Variants in SMYD3 observed in about 807,000 individuals in gnomAD.
SMYD3 encodes the protein SET and MYND domain containing 3, also known as histone-lysine N-methyltransferase SMYD3.
SMYD3 carries 36 observed loss-of-function variants against 57.7 expected under a neutral mutation model. The ratio of observed to expected loss-of-function variants is 0.62; its 90% CI spans 0.48 to 0.82. SMYD3 has a LOEUF of 0.82. Ranked by LOEUF, SMYD3 falls within the 40% of genes least tolerant of loss-of-function variation. SMYD3 has a pLI of 0.00. For synonymous variants in SMYD3, 211 were observed against 195.0 expected, an observed-to-expected ratio of 1.08 and a Z score of -0.68; for missense variants, 515 against 538.8, an observed-to-expected ratio of 0.96 and a Z score of 0.44.
intron 7 of SMYD3, among the ~76,000 whole-genome samples, chr1:245,917,414 C>T (rs1350590877): frequency 1.3e-5 from 2 of 152,318 alleles, no homozygotes; most frequent in South Asian, 2.1e-4. Flanking sequence ...ACTGGTCCTT[C>T]GTCATAGGTA....
intron 5 of SMYD3, among the ~76,000 whole-genome samples, chr1:246,149,450 T>C (rs1476336263): frequency 1.3e-5 from 2 of 152,194 alleles, no homozygotes; most frequent in Admixed American, 6.5e-5. Flanking sequence ...CAAAATACCC[T>C]AAAGAGAAAG....
intron 5 of SMYD3, among the ~76,000 whole-genome samples, chr1:246,118,099 A>G (rs2061370212): frequency 6.6e-6 from 1 of 152,188 alleles, no homozygotes. Context: ...AATTCTCTGC[A>G]ACGAGGTATA....
At chr1:246,428,889 C>A (rs1329580037) in intron 1 of SMYD3, among the ~76,000 whole-genome samples, 1 of 151,924 alleles carries the variant, frequency 6.6e-6, no homozygotes, top group Non-Finnish European at 1.5e-5. Context: ...TCCCTCTGCT[C>A]TGCCCTCTTC....
chr1:245,963,659 G>A (rs1433240238), intron 5 of SMYD3, among the ~76,000 whole-genome samples: 1 of 151,814 alleles, frequency 6.6e-6, no homozygotes, highest in Non-Finnish European at 1.5e-5. Context: ...CAGCACCATA[G>A]GAAAAGGAAA....
intron 5 of SMYD3, among the ~76,000 whole-genome samples, chr1:246,179,513 C>T (rs956366269): frequency 6.6e-6 from 1 of 152,080 alleles, no homozygotes; most frequent in African/African-American, 2.4e-5. Flanking sequence ...ATCTCAGCAA[C>T]CAGAAATCAT....
chr1:245,775,250 A>T (rs2046528975), intron 10 of SMYD3, among the ~76,000 whole-genome samples: 1 of 152,140 alleles, frequency 6.6e-6, no homozygotes. Flanking sequence ...GGCCATGATG[A>T]CGATGGCGGT....
intron 1 of SMYD3, among the ~76,000 whole-genome samples, chr1:246,495,221 C>T (rs913781079): frequency 1.3e-5 from 2 of 151,752 alleles, no homozygotes; most frequent in African/African-American, 4.8e-5. Flanking sequence ...TGGTGGCGGG[C>T]GCCTGTAGTC....
chr1:245,939,414 A>G (rs2057127366), intron 5 of SMYD3, among the ~76,000 whole-genome samples: 1 of 152,100 alleles, frequency 6.6e-6, no homozygotes, highest in Non-Finnish European at 1.5e-5. Flanking sequence ...TCACGAGGTC[A>G]GGAGATCGAG....
At chr1:246,391,402 GAGAGAAAGAGAGAGAA>G (rs151265132) in intron 1 of SMYD3, among the ~76,000 whole-genome samples, 31,290 of 93,250 alleles carry the variant, frequency 0.34, 3,751 homozygotes, top group Non-Finnish European at 0.37. Context: ...GAAAGAGAGA[GAGAGAAAGAGAGAGAA>G]AAAGAGAGAG....
intron 5 of SMYD3, among the ~76,000 whole-genome samples, chr1:246,147,933 C>T (rs2061878735): frequency 6.6e-6 from 1 of 152,174 alleles, no homozygotes; most frequent in African/African-American, 2.4e-5. Flanking sequence ...TCCCTGCAGG[C>T]TCGGGGGTGT....
At chr1:246,486,298 G>T (rs1182046253) in intron 1 of SMYD3, among the ~76,000 whole-genome samples, 1 of 152,190 alleles carries the variant, frequency 6.6e-6, no homozygotes, top group Non-Finnish European at 1.5e-5. Context: ...CTCCTTAACA[G>T]ATATGACATA....
intron 5 of SMYD3, among the ~76,000 whole-genome samples, chr1:246,138,011 T>C (rs2061689107): frequency 6.6e-6 from 1 of 152,120 alleles, no homozygotes; most frequent in Non-Finnish European, 1.5e-5. Flanking sequence ...AAACACATAA[T>C]TTTTTTTCTT....
At chr1:245,886,505 T>C (rs10802288) in intron 8 of SMYD3, among the ~76,000 whole-genome samples, 151,938 of 152,300 alleles carry the variant, frequency 1, 75,791 homozygotes, top group Middle Eastern at 1. Context: ...AATTGGTAAA[T>C]GTTCTAATCT....
chr1:246,091,817 T>C (rs991611313), intron 5 of SMYD3, among the ~76,000 whole-genome samples: 1 of 152,252 alleles, frequency 6.6e-6, no homozygotes, highest in African/African-American at 2.4e-5. Flanking sequence ...GTGTTTCCAA[T>C]GCTACTTTCA....
rs1283143223 is a variant in SMYD3 at position 245,984,915 on chromosome 1, T to C, written c.532-54978A>G. ...ACACCACTTCCATCCGACTTCTCCT[T>C]GCTCTGTAATCTATTTGCCCTCTCA... On this transcript the variant is annotated intron_variant, in intron 5 of 11. Transcript: ENST00000490107. Among the ~76,000 whole-genome samples the C allele has an allele frequency of 2.0e-5, 3 of 152,256 alleles. No homozygotes were observed. The East Asian group carries it at 5.8e-4, about 29-fold the overall frequency.
chr1:245,997,190 C>G (rs981182596), intron 5 of SMYD3, among the ~76,000 whole-genome samples: 1 of 152,190 alleles, frequency 6.6e-6, no homozygotes, highest in Non-Finnish European at 1.5e-5. Context: ...TATGGGGAAC[C>G]CCTTTAGGGA....
chr1:245,759,157 G>C (rs550317111), intron 11 of SMYD3, among the ~76,000 whole-genome samples: 1 of 151,812 alleles, frequency 6.6e-6, no homozygotes, highest in East Asian at 1.9e-4. Flanking sequence ...TCTCTTTTTT[G>C]GTTCAAAAAC....
intron 10 of SMYD3, 45 bp downstream of exon 10, chr1:245,858,451 T>C: frequency 6.4e-7 from 1 of 1,553,596 alleles, no homozygotes; most frequent in Non-Finnish European, 8.7e-7. Flanking sequence ...TTGCCCAACG[T>C]GAAGACGTCC....
chr1:245,793,252 T>A (rs901536073), intron 10 of SMYD3, among the ~76,000 whole-genome samples: 2 of 151,194 alleles, frequency 1.3e-5, no homozygotes, highest in African/African-American at 4.9e-5. Flanking sequence ...GAGCTTGAAG[T>A]GAGCCGAGAT....
Sources: allele counts gnomAD v4.1 joint callset (sites outside exome capture counted in the v4.1 genomes callset), GRCh38; gene constraint gnomAD v4.1.1; transcripts MANE v1.5; gene names NCBI Gene and HGNC (gene_info 2026-07-23, HGNC 2026-07-21).